Variants in TXNDC5 observed in about 807,000 individuals in gnomAD.
TXNDC5 encodes thioredoxin domain containing 5, also known as thioredoxin domain-containing protein 5.
TXNDC5 carries 44 observed loss-of-function variants against 52.6 expected under a neutral mutation model. The observed-to-expected ratio is 0.84, with a 90% CI of 0.66 to 1.08. TXNDC5 has a LOEUF of 1.08. Ranked by LOEUF, TXNDC5 falls within the 50% of genes least tolerant of loss-of-function variation. TXNDC5 has a pLI of 0.00. For synonymous variants in TXNDC5, 241 were observed against 234.4 expected (o/e 1.03, Z -0.26); for missense variants, 600 against 565.5 (o/e 1.06, Z -0.62).
chr6:7,882,970 A>C lies in TXNDC5; in HGVS notation c.*174T>G. 2.6e-6 allele frequency: 2 copies of C among 767,842 alleles called. No homozygotes were observed. Among genetic ancestry groups the C allele is most frequent in the Non-Finnish European group, 4.0e-6 (2 of 503,358 alleles). The allele number at this position is 767,842 out of a possible 1,614,324, so 47.6% of individuals were successfully genotyped here. A position where few individuals can be genotyped will look rare whatever the true frequency, so the allele number is the denominator to read the frequency against. ...TACTTAGAGAAACTTAACTTAATAAAGAATCTGTAGAGTGTGTTGGCTTGG... is the reference window on the plus strand; with the variant it reads ...TACTTAGAGAAACTTAACTTAATAACGAATCTGTAGAGTGTGTTGGCTTGG... On this transcript the variant is annotated 3_prime_UTR_variant, in exon 10 of 10. Coordinates refer to ENST00000379757, the MANE Select transcript of TXNDC5 (RefSeq NM_030810.5).
chr6:7,885,926 T>A, intron 8 of TXNDC5, 35 bp downstream of exon 8: 1 of 1,605,416 alleles, frequency 6.2e-7, no homozygotes. Context: ...TTAGTACACA[T>A]GGACAAAGTA....
intron 4 of TXNDC5, among the ~76,000 whole-genome samples, 165 bp from the exon 5 acceptor site, chr6:7,891,901 T>C (rs1218015349): frequency 1.3e-5 from 2 of 152,258 alleles, no homozygotes; most frequent in Non-Finnish European, 2.9e-5. Context: ...AATGTGTTTC[T>C]GTTCATGACT....
chr6:7,894,839 T>C (rs1760310742), intron 4 of TXNDC5: 1 of 985,310 alleles, frequency 1.0e-6, no homozygotes, highest in Non-Finnish European at 1.2e-6. Flanking sequence ...TAAACACTCT[T>C]AGCCAAGGAT....
At chr6:7,892,195 G>A (rs988908837) in intron 4 of TXNDC5, among the ~76,000 whole-genome samples, 32 of 152,210 alleles carry the variant, frequency 2.1e-4, no homozygotes, top group Admixed American at 1.2e-3. Context: ...ACAACTGGAC[G>A]TTCTGTGCCC....
chr6:7,887,807 T>C (rs918965400), intron 7 of TXNDC5, among the ~76,000 whole-genome samples: 1 of 152,000 alleles, frequency 6.6e-6, no homozygotes, highest in Non-Finnish European at 1.5e-5. Flanking sequence ...CCCACTGTGT[T>C]CCCCCAGCCC....
rs1581336107 is a variant in TXNDC5 at position 7,910,626 on chromosome 6, C to CG, written c.150dup (p.Ala51ArgfsTer51). On this transcript the variant is annotated frameshift_variant, in exon 1 of 10. Transcript: ENST00000379757. LOFTEE classifies it high-confidence loss of function. ...TCCTGTCCGTCCTCGCCGTCTGCCG[C>CG]GGGGGGCCCGTCCGCCGCCGCCGCC... 14 of 1,245,480 alleles carry CG rather than the reference C, an allele frequency of 1.1e-5. No individual in the cohort carries two copies. The highest frequency in any genetic ancestry group is 1.2e-5 in the Non-Finnish European group (12 of 968,312). The allele number at this position is 1,245,480 out of a possible 1,614,324, so 77.2% of individuals were successfully genotyped here.
chr6:7,884,272 A>G (rs1759875725), intron 9 of TXNDC5, 87 bp downstream of exon 9: 1 of 1,548,584 alleles, frequency 6.5e-7, no homozygotes, highest in South Asian at 1.1e-5. Context: ...AGATGAGAGC[A>G]GAGTGAGTTA....
chr6:7,883,832 C>A (rs541707661), intron 9 of TXNDC5, among the ~76,000 whole-genome samples: 1 of 152,250 alleles, frequency 6.6e-6, no homozygotes, highest in South Asian at 2.1e-4. Context: ...AAAAAAATGA[C>A]AAATCTTCCA....
chr6:7,910,448 G>C, intron 1 of TXNDC5, 66 bp downstream of exon 1: 1 of 1,280,152 alleles, frequency 7.8e-7, no homozygotes, highest in South Asian at 2.1e-5. Flanking sequence ...CGCCCGCGGC[G>C]CCCAAGCGCC....
intron 8 of TXNDC5, among the ~76,000 whole-genome samples, chr6:7,884,694 T>C (rs1290423670): frequency 2.0e-5 from 3 of 152,164 alleles, no homozygotes; most frequent in East Asian, 3.8e-4. Flanking sequence ...TGATCCAAGG[T>C]AGACTTTCAG....
intron 1 of TXNDC5, among the ~76,000 whole-genome samples, chr6:7,906,051 G>A (rs976700347): frequency 2.7e-5 from 4 of 150,882 alleles, no homozygotes; most frequent in Admixed American, 2.6e-4. Context: ...ACTGGCCTGG[G>A]CAACACAGTG....
chr6:7,903,056 G>A (rs1358271329), intron 2 of TXNDC5, among the ~76,000 whole-genome samples: 1 of 152,084 alleles, frequency 6.6e-6, no homozygotes, highest in Admixed American at 6.5e-5. Context: ...GGTGTGTGAT[G>A]CACATAGTCT....
Position 7,888,701 on chromosome 6 carries a change from C to G in TXNDC5, c.963+4G>C. ...TGGGGATCCCGACTCCAGCAGGCAC[C>G]CACCTTGTCAGCCTCGGGCTCAGCT... On this transcript the variant is annotated splice_donor_region_variant and intron_variant, in intron 7 of 9. Transcript: ENST00000379757. 6.2e-7 allele frequency: 1 copy of G among 1,607,704 alleles called. No homozygotes were observed.
At chr6:7,899,352 C>A (rs531127730) in intron 3 of TXNDC5, among the ~76,000 whole-genome samples, 2 of 152,224 alleles carry the variant, frequency 1.3e-5, no homozygotes, top group South Asian at 4.1e-4. Flanking sequence ...TTAGCCTTCT[C>A]TTGACTTTTG....
At chr6:7,892,604 C>T (rs1277402696) in intron 4 of TXNDC5, among the ~76,000 whole-genome samples, 2 of 152,192 alleles carry the variant, frequency 1.3e-5, no homozygotes, top group East Asian at 1.9e-4. Flanking sequence ...AACTGAGTCA[C>T]GGGGACAGGT....
rs1759820857 is a variant in TXNDC5, at chr6:7,882,994, G to A, written c.*150C>T. On this transcript the variant is annotated 3_prime_UTR_variant, in exon 10 of 10. Transcript: ENST00000379757. ...AAGAATCTGTAGAGTGTGTTGGCTT[G>A]GAAAACACACACACAAAGAAGATAC... The A allele has an allele frequency of 9.7e-7, 1 of 1,027,988 alleles. No individual in the cohort carries two copies. The highest frequency in any genetic ancestry group is 1.4e-6 in the Non-Finnish European group (1 of 719,188). The allele number at this position is 1,027,988 out of a possible 1,614,324, so 63.7% of individuals were successfully genotyped here. A position where few individuals can be genotyped will look rare whatever the true frequency, so the allele number is the denominator to read the frequency against.
chr6:7,890,108 G>A (rs555943970), intron 5 of TXNDC5, among the ~76,000 whole-genome samples: 71 of 152,296 alleles, frequency 4.7e-4, no homozygotes, highest in Non-Finnish European at 8.7e-4. Context: ...ATTATAATCC[G>A]TCCTTAATTT....
At position 7,886,030 on chromosome 6, in the gene TXNDC5, G is replaced by A. The variant is rs1759965822; in HGVS notation, c.977C>T (p.Ala326Val). 1 of 1,614,068 alleles carries A rather than the reference G, an allele frequency of 6.2e-7. No homozygotes were observed. Among genetic ancestry groups the A allele is most frequent in the South Asian group, 1.1e-5 (1 of 91,054 alleles). ...EPEADKGTVL[A>V]LTENNFDDTI... Reference sequence around the variant, plus strand: ...GTCATCGAAGTTATTTTCAGTGAGTGCCAACACAGTGCCCTTCAAGGGAGG... The same window carrying A: ...GTCATCGAAGTTATTTTCAGTGAGTACCAACACAGTGCCCTTCAAGGGAGG... The change falls in exon 8 of 10, where the codon GCA (alanine) becomes GTA (valine). Residue 326 changes from alanine (A) to valine (V), a missense_variant. Ala to Val is a moderately conservative substitution (Grantham distance 64). Transcript: ENST00000379757.
At chr6:7,887,642 C>T (rs561863887) in intron 7 of TXNDC5, among the ~76,000 whole-genome samples, 37 of 152,254 alleles carry the variant, frequency 2.4e-4, no homozygotes, top group Middle Eastern at 3.4e-3. Context: ...ACGTGCATGC[C>T]GGTCATTTTC....
Sources: allele counts gnomAD v4.1 joint callset (sites outside exome capture counted in the v4.1 genomes callset), GRCh38; gene constraint gnomAD v4.1.1; transcripts MANE v1.5; gene names NCBI Gene and HGNC (gene_info 2026-07-23, HGNC 2026-07-21).